S1PR5: variants seen among roughly 807,000 people sequenced by gnomAD.
S1PR5 encodes sphingosine-1-phosphate receptor 5.
For missense variants in S1PR5, 583 were observed against 571.7 expected (o/e 1.02, Z -0.20); for synonymous variants, 307 against 284.7 (o/e 1.08, Z -0.79).
rs1326432228 is a variant in S1PR5 at position 10,514,403 on chromosome 19, G to T, written c.609C>A (p.Gly203=). 1 of 1,608,160 alleles carries T rather than the reference G, an allele frequency of 6.2e-7. No individual in the cohort carries two copies. The highest frequency in any genetic ancestry group is 8.5e-7 in the Non-Finnish European group (1 of 1,177,866). ...AGAGTGCACAGATAGCGGCCAGGAT[G>T]CCCACGAAGGCGAGCACGCAGAAGA... The part of the protein sequence containing the change: ...YVLFCVLAFV[G]ILAAICALYA... Residue 203 remains glycine, a synonymous_variant, in exon 2 of 2, where the codon GGC becomes GGA. Transcript: ENST00000333430.
Position 10,513,367 on chromosome 19 carries a change from C to G in S1PR5, c.*448G>C, listed in dbSNP as rs912504540. Reference sequence around the variant, plus strand: ...GCTCCTTGTCTCCTCCCATTCTCCCCCTCCGTCCCTGCTCCAGGCACACCA... The same window carrying G: ...GCTCCTTGTCTCCTCCCATTCTCCCGCTCCGTCCCTGCTCCAGGCACACCA... On this transcript the variant is annotated 3_prime_UTR_variant, in exon 2 of 2. Transcript: ENST00000333430. 1 of 409,622 alleles carries G rather than the reference C, an allele frequency of 2.4e-6. No individual in the cohort carries two copies. 25.4% of individuals were successfully genotyped at this position (409,622 alleles called of 1,614,324 possible).
chr19:10,515,061 G>A, intron 1 of S1PR5, 32 bp from the exon 2 acceptor site: 1 of 1,510,486 alleles, frequency 6.6e-7, no homozygotes, highest in South Asian at 1.3e-5. Context: ...GTGTCAGGCC[G>A]CGGTCCCCGT....
chr19:10,513,516 A>C lies in S1PR5; in HGVS notation c.*299T>G, dbSNP rs781677531. ...CAGGACAGAGGTCTCAGCTCACATC[A>C]CAAGTCACTACCTCTGCAGAGAGGT... On this transcript the variant is annotated 3_prime_UTR_variant, in exon 2 of 2. Transcript: ENST00000333430. The C allele has an allele frequency of 3.9e-5, 22 of 559,578 alleles. No homozygotes were observed. The highest frequency in any genetic ancestry group is 6.0e-5 in the African/African-American group (3 of 49,926). The allele number at this position is 559,578 out of a possible 1,614,324, so 34.7% of individuals were successfully genotyped here. A position where few individuals can be genotyped will look rare whatever the true frequency, so the allele number is the denominator to read the frequency against.
At position 10,513,924 on chromosome 19, in the gene S1PR5, G is replaced by C. The variant is rs769177138; in HGVS notation, c.1088C>G (p.Ser363Trp). The change falls in exon 2 of 2, where the codon TCG becomes TGG. Residue 363 changes from serine (S) to tryptophan (W), a missense_variant. Coordinates refer to ENST00000333430, the MANE Select transcript of S1PR5 (RefSeq NM_030760.5). ...GTCGCGCTGGGGCGATGAGCGCTCC[G>C]AGCCGCTGAAGCTCCCATCAAGGCC... ...PPGLDGSFSG[S>W]ERSSPQRDGL... The C allele has an allele frequency of 8.8e-5, 141 of 1,606,034 alleles. No homozygotes were observed. Among genetic ancestry groups the C allele is most frequent in the Non-Finnish European group, 1.2e-4 (139 of 1,177,342 alleles).
In S1PR5 at chr19:10,517,411, C is replaced by A. The variant is rs1411790349; in HGVS notation, c.-32G>T. ...CAGTCCACTCACTCTGCGCCCTGGT[C>A]GTGCGCCACCCGCAGTCGCGCTGCC... On this transcript the variant is annotated 5_prime_UTR_variant, in exon 1 of 2. Transcript: ENST00000333430. The A allele has an allele frequency of 5.1e-6, 5 of 985,590 alleles. No homozygotes were observed. The highest frequency in any genetic ancestry group is 6.0e-6 in the Non-Finnish European group (5 of 830,062). The allele number at this position is 985,590 out of a possible 1,614,324, so 61.1% of individuals were successfully genotyped here. A position where few individuals can be genotyped will look rare whatever the true frequency, so the allele number is the denominator to read the frequency against.
At chr19:10,517,339 G>A (rs940348505) in intron 1 of S1PR5, 59 bp downstream of exon 1, 3 of 978,964 alleles carry the variant, frequency 3.1e-6, no homozygotes, top group East Asian at 2.3e-4. Context: ...CCGCCAGGGC[G>A]ACCCCCTCCG....
chr19:10,517,923 A>T (rs34883264), upstream of S1PR5: 44,659 of 154,318 alleles, frequency 0.29, 7,153 homozygotes, highest in East Asian at 0.62. Flanking sequence ...AGTGGGGGCC[A>T]CCTTAGCCTG....
In S1PR5 at chr19:10,514,341, C is replaced by G. The variant is rs780059000; in HGVS notation, c.671G>C (p.Arg224Pro). ...AGTCCCGGGCCGTGCCGGCAGGCGC[C>G]GCGCGTTGGCGCGTACCTGGCAGTA... The part of the protein sequence containing the change: ...RIYCQVRANA[R>P]RLPARPGTAG... The change falls in exon 2 of 2, where the codon CGG (arginine) becomes CCG (proline). Residue 224 changes from arginine to proline, a missense_variant. Transcript: ENST00000333430. 12 of 1,565,558 alleles carry G rather than the reference C, an allele frequency of 7.7e-6. No individual in the cohort carries two copies. Among genetic ancestry groups the G allele is most frequent in the Non-Finnish European group, 9.5e-6 (11 of 1,156,930 alleles).
At chr19:10,515,274 C>A (rs138422562) in intron 1 of S1PR5, among the ~76,000 whole-genome samples, 2 of 151,926 alleles carry the variant, frequency 1.3e-5, no homozygotes, top group Admixed American at 1.3e-4. Flanking sequence ...AATGGCTGGG[C>A]GCGGTGGTTC....
chr19:10,515,379 AG>A (rs755106721), intron 1 of S1PR5, among the ~76,000 whole-genome samples: 1 of 151,954 alleles, frequency 6.6e-6, no homozygotes, highest in South Asian at 2.1e-4. Flanking sequence ...TGGGAGGCCA[AG>A]GGGGGCAGAT....
Position 10,514,848 on chromosome 19 carries a change from A to G in S1PR5, c.164T>C (p.Leu55Pro). ...AVCAFIVLEN[L>P]AVLLVLGRHP... ...GCGTCCGAGCACCAACAACACGGCT[A>G]GATTCTCTAGCACGATGAAGGCGCA... is the stretch of plus-strand genomic sequence containing the variant. Residue 55 changes from leucine (L) to proline (P), a missense_variant, in exon 2 of 2, where the codon CTA becomes CCA. Physicochemically the swap from Leu to Pro is moderately conservative, Grantham distance 98. Transcript: ENST00000333430. The G allele has an allele frequency of 6.2e-7, 1 of 1,613,044 alleles. No homozygotes were observed. Among genetic ancestry groups the G allele is most frequent in the Non-Finnish European group, 8.5e-7 (1 of 1,179,718 alleles).
intron 1 of S1PR5, among the ~76,000 whole-genome samples, 192 bp from the exon 2 acceptor site, chr19:10,515,221 C>A (rs1420299648): frequency 1.3e-5 from 2 of 152,132 alleles, no homozygotes; most frequent in Non-Finnish European, 2.9e-5. Flanking sequence ...CACGAGGGAA[C>A]AAGGTGACAT....
rs764832448 is a variant in S1PR5 at position 10,514,192 on chromosome 19, C to A, written c.820G>T (p.Asp274Tyr). ...WGPLFLLLLL[D>Y]VACPARTCPV... Reference sequence around the variant, plus strand: ...CAGGTGCGCGCCGGGCACGCCACGTCGAGCAACAGCAGCAGGAAGAGGGGG... The same window carrying A: ...CAGGTGCGCGCCGGGCACGCCACGTAGAGCAACAGCAGCAGGAAGAGGGGG... The change falls in exon 2 of 2, where the codon GAC becomes TAC. Residue 274 changes from aspartate to tyrosine, a missense_variant. Asp to Tyr is a radical substitution (Grantham distance 160). Transcript: ENST00000333430. 3.1e-6 allele frequency: 5 copies of A among 1,612,242 alleles called. No individual in the cohort carries two copies. Among genetic ancestry groups the A allele is most frequent in the Non-Finnish European group, 4.2e-6 (5 of 1,179,586 alleles).
At position 10,514,680 on chromosome 19, in the gene S1PR5, C is replaced by G. The variant is rs778823439; in HGVS notation, c.332G>C (p.Arg111Pro). 1 of 1,608,576 alleles carries G rather than the reference C, an allele frequency of 6.2e-7. No homozygotes were observed. Among genetic ancestry groups the G allele is most frequent in the South Asian group, 1.1e-5 (1 of 90,638 alleles). The change falls in exon 2 of 2, where the codon CGG becomes CCG. Residue 111 changes from arginine to proline, a missense_variant. Physicochemically the swap from Arg to Pro is moderately radical, Grantham distance 103. Transcript: ENST00000333430. The stretch of plus-strand genomic sequence containing the variant: ...GAGTGCCACGAAGACGCCTCCCTCC[C>G]GTGCGAACCAGAGCGCGGGGGACAG... ...LKLSPALWFA[R>P]EGGVFVALTA...
chr19:10,516,015 CAGAA>C (rs1462556736), intron 1 of S1PR5, among the ~76,000 whole-genome samples: 2 of 152,082 alleles, frequency 1.3e-5, no homozygotes, highest in East Asian at 3.8e-4. Flanking sequence ...GCAACACACA[CAGAA>C]AGAGACACAC....
Position 10,514,421 on chromosome 19 carries a change from G to A in S1PR5, c.591C>T (p.Cys197=), listed in dbSNP as rs1392893385. 3.7e-6 allele frequency: 6 copies of A among 1,609,366 alleles called. No homozygotes were observed. The highest frequency in any genetic ancestry group is 2.2e-5 in the East Asian group (1 of 44,732). Residue 197 remains cysteine (C), a synonymous_variant, in exon 2 of 2, where the codon TGC becomes TGT. Transcript: ENST00000333430. ...PLYAKAYVLF[C]VLAFVGILAA... is the part of the protein sequence containing the mutation. ...CCAGGATGCCCACGAAGGCGAGCACGCAGAAGAGCACGTAGGCCTTGGCGT... is the reference window on the plus strand; with the variant it reads ...CCAGGATGCCCACGAAGGCGAGCACACAGAAGAGCACGTAGGCCTTGGCGT...
At position 10,513,866 on chromosome 19, in the gene S1PR5, G is replaced by A. The variant is rs761762706; in HGVS notation, c.1146C>T (p.Pro382=). Reference sequence around the variant, plus strand: ...GAGTCCGGGCGGCTGTGGGTGCACCGGGGCTGCCTGTGGAGCCGCTGGTGT... The same window carrying A: ...GAGTCCGGGCGGCTGTGGGTGCACCAGGGCTGCCTGTGGAGCCGCTGGTGT... The part of the protein sequence containing the change: ...GLDTSGSTGS[P]GAPTAARTLV... Residue 382 remains proline (P), a synonymous_variant, in exon 2 of 2, where the codon CCC becomes CCT. Coordinates refer to ENST00000333430, the MANE Select transcript of S1PR5 (RefSeq NM_030760.5). The A allele has an allele frequency of 1.2e-5, 20 of 1,611,756 alleles. No individual in the cohort carries two copies. In the African/African-American group the frequency reaches 2.7e-4, roughly 22 times the overall value.
Sources: allele counts gnomAD v4.1 joint callset (sites outside exome capture counted in the v4.1 genomes callset), GRCh38; gene constraint gnomAD v4.1.1; transcripts MANE v1.5; gene names NCBI Gene and HGNC (gene_info 2026-07-23, HGNC 2026-07-21).